NEK10: variants seen among roughly 807,000 people sequenced by gnomAD.
NEK10 encodes serine/threonine-protein kinase Nek10.
In NEK10, 122 loss-of-function variants were observed where a neutral mutation model predicts 159.8. That is an observed-to-expected ratio of 0.76 (90% CI 0.66 to 0.89). NEK10 has a LOEUF of 0.89. NEK10 is among the 40% of genes least tolerant of loss of function. The pLI is 0.00. For synonymous variants in NEK10, 466 were observed against 457.1 expected (o/e 1.02, Z -0.25); for missense variants, 1,342 against 1,323.1 (o/e 1.01, Z -0.22).
intron 23 of NEK10, among the ~76,000 whole-genome samples, chr3:27,217,057 A>C (rs183068231): frequency 6.6e-6 from 1 of 152,210 alleles, no homozygotes; most frequent in Non-Finnish European, 1.5e-5. Context: ...AAAGATAAAA[A>C]AATTTTACTG....
At chr3:27,223,575 T>C (rs1952337958) in intron 23 of NEK10, among the ~76,000 whole-genome samples, 1 of 152,232 alleles carries the variant, frequency 6.6e-6, no homozygotes, top group African/African-American at 2.4e-5. Context: ...CTTTCTCACA[T>C]CGTGTCTGAC....
intron 5 of NEK10, among the ~76,000 whole-genome samples, chr3:27,327,127 T>C (rs987894395): frequency 2.6e-5 from 4 of 152,098 alleles, no homozygotes; most frequent in African/African-American, 9.7e-5. Context: ...CAATAAGTAA[T>C]AGAGCCAGGT....
intron 31 of NEK10, among the ~76,000 whole-genome samples, chr3:27,138,600 G>C (rs1192755790): frequency 6.6e-6 from 1 of 152,034 alleles, no homozygotes; most frequent in Non-Finnish European, 1.5e-5. Context: ...AACCTTCCCT[G>C]TTGAAACTAT....
chr3:27,270,346 G>GC, intron 22 of NEK10, among the ~76,000 whole-genome samples: 1 of 152,248 alleles, frequency 6.6e-6, no homozygotes, highest in South Asian at 2.1e-4. Flanking sequence ...GCCAGCCATG[G>GC]TATTGAGCCT....
At chr3:27,253,361 G>A (rs967417855) in intron 23 of NEK10, among the ~76,000 whole-genome samples, 3 of 152,160 alleles carry the variant, frequency 2.0e-5, no homozygotes, top group African/African-American at 7.2e-5. Flanking sequence ...GTTGAAGATG[G>A]TGTCTAATTT....
chr3:27,352,200 C>G (rs184437014), intron 3 of NEK10, among the ~76,000 whole-genome samples: 3 of 152,084 alleles, frequency 2.0e-5, no homozygotes, highest in African/African-American at 7.2e-5. Context: ...TGTTTACAGA[C>G]CGAAGAGGAA....
chr3:27,191,103 T>C (rs993103832), intron 26 of NEK10, among the ~76,000 whole-genome samples: 1 of 152,216 alleles, frequency 6.6e-6, no homozygotes, highest in Non-Finnish European at 1.5e-5. Context: ...AGTACTTTCC[T>C]TCTTTTCAGA....
chr3:27,180,066 G>A (rs1018166778), intron 26 of NEK10, among the ~76,000 whole-genome samples: 4 of 151,832 alleles, frequency 2.6e-5, no homozygotes, highest in African/African-American at 7.3e-5. Context: ...GGGCAACAGA[G>A]CAAGACTCTG....
At chr3:27,330,148 CTG>C (rs930005833) in intron 5 of NEK10, among the ~76,000 whole-genome samples, 1 of 150,840 alleles carries the variant, frequency 6.6e-6, no homozygotes, top group Non-Finnish European at 1.5e-5. Context: ...CTGACTGTGC[CTG>C]TGTGTGTGTG....
At chr3:27,241,486 C>G (rs1033091115) in intron 23 of NEK10, among the ~76,000 whole-genome samples, 5 of 152,152 alleles carry the variant, frequency 3.3e-5, no homozygotes, top group Admixed American at 6.6e-5. Context: ...CAGACCTTAC[C>G]CAGTGACTTC....
intron 35 of NEK10, among the ~76,000 whole-genome samples, chr3:27,111,877 C>T (rs1490901525): frequency 6.6e-6 from 1 of 152,120 alleles, no homozygotes; most frequent in East Asian, 1.9e-4. Flanking sequence ...AAGCTAAATG[C>T]TTATGTATAT....
At chr3:27,333,228 CT>C (rs2149718938) in intron 5 of NEK10, among the ~76,000 whole-genome samples, 1 of 152,176 alleles carries the variant, frequency 6.6e-6, no homozygotes, top group South Asian at 2.1e-4. Context: ...CCATGGACTC[CT>C]GCAATCCTAG....
chr3:27,251,617 C>G (rs760030396), intron 23 of NEK10, among the ~76,000 whole-genome samples: 1 of 152,194 alleles, frequency 6.6e-6, no homozygotes, highest in Admixed American at 6.5e-5. Flanking sequence ...TCCTGTGCAG[C>G]CTGCAGAACC....
At chr3:27,327,028 A>AT (rs1307121888) in intron 5 of NEK10, among the ~76,000 whole-genome samples, 1 of 152,236 alleles carries the variant, frequency 6.6e-6, no homozygotes, top group Non-Finnish European at 1.5e-5. Context: ...ACAGTGAATA[A>AT]TAGTGACAGA....
chr3:27,201,733 C>A lies in NEK10; in HGVS notation c.2221-153G>T, dbSNP rs537718344. On this transcript the variant is annotated intron_variant, in intron 24 of 35. Transcript: ENST00000691995. ...AAATCCCGACCAAATAAAACATTTG[C>A]ATCAATTAAACAGCTCTTGAACTGG... Among the ~76,000 whole-genome samples the A allele has an allele frequency of 2.6e-5, 4 of 152,280 alleles. No individual in the cohort carries two copies. In the East Asian group the frequency reaches 7.7e-4, roughly 29 times the overall value.
At chr3:27,349,554 A>G (rs1179289330) in intron 3 of NEK10, among the ~76,000 whole-genome samples, 2 of 152,194 alleles carry the variant, frequency 1.3e-5, no homozygotes, top group Non-Finnish European at 2.9e-5. Context: ...TACAGCATCT[A>G]TCAAAACCTT....
intron 22 of NEK10, among the ~76,000 whole-genome samples, chr3:27,268,172 G>C (rs80034185): frequency 6.6e-6 from 1 of 152,326 alleles, no homozygotes; most frequent in African/African-American, 2.4e-5. Flanking sequence ...TGGTTCACGA[G>C]GTTTAAGGAA....
chr3:27,287,186 G>C (rs2042682459), intron 20 of NEK10, among the ~76,000 whole-genome samples: 1 of 148,752 alleles, frequency 6.7e-6, no homozygotes, highest in Non-Finnish European at 1.5e-5. Flanking sequence ...ATCTGTTTTG[G>C]TTCTAGTTCA....
chr3:27,161,409 G>A (rs1480156389), intron 30 of NEK10, among the ~76,000 whole-genome samples: 2 of 152,080 alleles, frequency 1.3e-5, no homozygotes, highest in Non-Finnish European at 2.9e-5. Context: ...GTGGAGACAT[G>A]GGCTAACATT....
Sources: allele counts gnomAD v4.1 joint callset (sites outside exome capture counted in the v4.1 genomes callset), GRCh38; gene constraint gnomAD v4.1.1; transcripts MANE v1.5; gene names NCBI Gene and HGNC (gene_info 2026-07-23, HGNC 2026-07-21).